ANGPT4: variants seen among roughly 807,000 people sequenced by gnomAD.
ANGPT4 encodes angiopoietin-4.
In ANGPT4, 50 loss-of-function variants were observed where a neutral mutation model predicts 53.0. The observed-to-expected ratio is 0.94, with a 90% confidence interval of 0.75 to 1.20. The LOEUF (loss-of-function observed/expected upper bound fraction) is 1.20, where lower values mean the gene tolerates loss of function less well. Among genes scored for constraint, ANGPT4 ranks in the 50% most tolerant of loss-of-function variants. The pLI, the probability that ANGPT4 is intolerant of heterozygous loss-of-function variation, is 0.00. For synonymous variants in ANGPT4, 251 were observed against 259.7 expected (o/e 0.97, Z 0.32); for missense variants, 648 against 637.1 (o/e 1.02, Z -0.18).
At chr20:898,719 A>G (rs1982154254) in intron 1 of ANGPT4, among the ~76,000 whole-genome samples, 1 of 152,210 alleles carries the variant, frequency 6.6e-6, no homozygotes, top group Non-Finnish European at 1.5e-5. Context: ...CCTCTGCTGT[A>G]AGAGAAACCC....
intron 4 of ANGPT4, among the ~76,000 whole-genome samples, chr20:881,801 G>C (rs1448338455): frequency 1.3e-5 from 2 of 152,220 alleles, no homozygotes; most frequent in African/African-American, 2.4e-5. Context: ...GGCTGAGAAA[G>C]AGCACTCTGT....
chr20:913,321 C>T (rs950264698), intron 1 of ANGPT4, among the ~76,000 whole-genome samples: 6 of 152,134 alleles, frequency 3.9e-5, no homozygotes, highest in Non-Finnish European at 7.4e-5. Context: ...CAAGCACTCC[C>T]CACTGGGGAC....
Position 888,357 on chromosome 20 carries a change from A to T in ANGPT4, c.548T>A (p.Leu183Gln). ...STNKLENQLL[L>Q]QRQKLQQLQG... ...AAGCTGCTGGAGCTTCTGCCTCTGTAGCAGCAGCTGGTTCTCCAGCTTGTT... is the reference window on the plus strand; with the variant it reads ...AAGCTGCTGGAGCTTCTGCCTCTGTTGCAGCAGCTGGTTCTCCAGCTTGTT... Residue 183 changes from leucine (L) to glutamine (Q), a missense_variant, in exon 3 of 9, where the codon CTA (leucine) becomes CAA (glutamine). Physicochemically the swap from Leu to Gln is moderately radical, Grantham distance 113. Transcript: ENST00000381922. 6.2e-7 allele frequency: 1 copy of T among 1,613,854 alleles called. No individual in the cohort carries two copies. The highest frequency in any genetic ancestry group is 8.5e-7 in the Non-Finnish European group (1 of 1,179,950).
intron 5 of ANGPT4, 120 bp from the exon 6 acceptor site, chr20:879,968 G>T (rs903317264): frequency 7.4e-6 from 4 of 542,490 alleles, no homozygotes; most frequent in Non-Finnish European, 1.2e-5. Context: ...GAGCCTGGGG[G>T]TCCTGGGCAT....
At chr20:884,017 G>A (rs3787567) in intron 4 of ANGPT4, among the ~76,000 whole-genome samples, 3 of 152,026 alleles carry the variant, frequency 2.0e-5, no homozygotes, top group African/African-American at 7.2e-5. Flanking sequence ...TGGTGGTGCC[G>A]GGAGCGCCAT....
intron 7 of ANGPT4, among the ~76,000 whole-genome samples, 172 bp downstream of exon 7, chr20:877,989 C>T (rs377038163): frequency 1.3e-5 from 2 of 152,208 alleles, no homozygotes; most frequent in African/African-American, 4.8e-5. Flanking sequence ...GAGTGCTAAC[C>T]AGCCACCTCC....
chr20:896,239 C>T (rs951574816), intron 1 of ANGPT4, among the ~76,000 whole-genome samples: 3 of 152,178 alleles, frequency 2.0e-5, no homozygotes, highest in African/African-American at 7.2e-5. Flanking sequence ...ATTAGATAAT[C>T]AGAAATGAGC....
At chr20:906,146 A>G (rs1289131557) in intron 1 of ANGPT4, among the ~76,000 whole-genome samples, 1 of 152,166 alleles carries the variant, frequency 6.6e-6, no homozygotes, top group African/African-American at 2.4e-5. Context: ...TAGAAACGTT[A>G]GTGTGACTTC....
intron 1 of ANGPT4, among the ~76,000 whole-genome samples, chr20:898,000 G>A (rs888321626): frequency 6.6e-6 from 1 of 152,138 alleles, no homozygotes; most frequent in Non-Finnish European, 1.5e-5. Flanking sequence ...TGGGCAAATG[G>A]TCTGAGGTGC....
At chr20:891,407 T>A (rs952345849) in intron 1 of ANGPT4, among the ~76,000 whole-genome samples, 30 of 152,332 alleles carry the variant, frequency 2.0e-4, no homozygotes, top group African/African-American at 7.0e-4. Context: ...CTGCTCTCTT[T>A]CCCAAGGGCA....
chr20:878,230 T>C lies in ANGPT4; in HGVS notation c.1151A>G (p.Asp384Gly), dbSNP rs1205407887. The C allele has an allele frequency of 1.2e-6, 2 of 1,612,930 alleles. No individual in the cohort carries two copies. Among genetic ancestry groups the C allele is most frequent in the East Asian group, 4.5e-5 (2 of 44,832 alleles). ...GGCATAGGCCTCGTGGCCTTCCCAG[T>C]CTTGCAGCTCCACACGCAGAGAGTA... ...AAYSLRVELQ[D>G]WEGHEAYAQY... Residue 384 changes from aspartate to glycine, a missense_variant, in exon 7 of 9, where the codon GAC (aspartate) becomes GGC (glycine). Asp to Gly is a moderately conservative substitution (Grantham distance 94, BLOSUM62 -1). Coordinates refer to ENST00000381922, the MANE Select transcript of ANGPT4 (RefSeq NM_015985.4).
At chr20:910,803 C>A (rs1982666670) in intron 1 of ANGPT4, among the ~76,000 whole-genome samples, 1 of 152,114 alleles carries the variant, frequency 6.6e-6, no homozygotes, top group Non-Finnish European at 1.5e-5. Context: ...GGGTCTGCTG[C>A]TGCTGGTGCC....
At chr20:875,035 TC>T (rs67523900) in intron 7 of ANGPT4, among the ~76,000 whole-genome samples, 37,550 of 151,054 alleles carry the variant, frequency 0.25, 5,039 homozygotes, top group East Asian at 0.53. Context: ...TCTTTTTCTT[TC>T]TTTTTTTTCT....
chr20:913,660 A>G (rs1982798913), intron 1 of ANGPT4, among the ~76,000 whole-genome samples: 1 of 152,240 alleles, frequency 6.6e-6, no homozygotes, highest in Non-Finnish European at 1.5e-5. Context: ...CAGGGGATTC[A>G]AAGATGGATG....
At chr20:875,919 C>T (rs768396467) in intron 7 of ANGPT4, among the ~76,000 whole-genome samples, 13 of 152,070 alleles carry the variant, frequency 8.5e-5, no homozygotes, top group Middle Eastern at 3.4e-3. Flanking sequence ...TGCTTGAGCC[C>T]AGGAGTTCGA....
intron 3 of ANGPT4, 41 bp from the exon 4 acceptor site, chr20:885,366 C>A: frequency 6.7e-7 from 1 of 1,494,764 alleles, no homozygotes; most frequent in South Asian, 1.3e-5. Flanking sequence ...CTGGCATCCT[C>A]GCGAAGCACG....
At chr20:912,803 ACT>A (rs1336533609) in intron 1 of ANGPT4, among the ~76,000 whole-genome samples, 1 of 151,328 alleles carries the variant, frequency 6.6e-6, no homozygotes, top group East Asian at 2.0e-4. Flanking sequence ...GGACTTGGAA[ACT>A]CTGCAGTAGA....
chr20:899,429 T>G (rs1365767908), intron 1 of ANGPT4, among the ~76,000 whole-genome samples: 1 of 151,976 alleles, frequency 6.6e-6, no homozygotes, highest in Non-Finnish European at 1.5e-5. Context: ...TTTGTATTTT[T>G]TTTTTAGTAG....
In ANGPT4 at chr20:908,143, A is replaced by G. The variant is rs114989991; in HGVS notation, c.309+7763T>C. ...ATGGTGGAAGCTGGCTCAGAGGTCC[A>G]CAGTCTATCAGAGAATGATCCTCAG... On this transcript the variant is annotated intron_variant, in intron 1 of 8. Coordinates refer to ENST00000381922, the MANE Select transcript of ANGPT4 (RefSeq NM_015985.4). This position sits in a 1 kb window ranked among gnomAD's most constrained non-coding sequence, Gnocchi z 4.9. 1.3e-5 allele frequency among the ~76,000 whole-genome samples: 2 copies of G among 152,104 alleles called. No individual in the cohort carries two copies. The highest frequency in any genetic ancestry group is 2.4e-5 in the African/African-American group (1 of 41,396).
Sources: allele counts gnomAD v4.1 joint callset (sites outside exome capture counted in the v4.1 genomes callset), GRCh38; gene constraint gnomAD v4.1.1; non-coding constraint Gnocchi (gnomAD v3.1); transcripts MANE v1.5; gene names NCBI Gene and HGNC (gene_info 2026-07-23, HGNC 2026-07-21).